Variants in KIF3C observed in about 807,000 individuals in gnomAD.
KIF3C encodes kinesin family member 3C, also known as kinesin-like protein KIF3C.
KIF3C carries 12 observed loss-of-function variants against 67.7 expected under a neutral mutation model. The ratio of observed to expected loss-of-function variants is 0.18; its 90% CI spans 0.11 to 0.29. The LOEUF (loss-of-function observed/expected upper bound fraction) is 0.29. Ranked by LOEUF, KIF3C falls within the 10% of genes least tolerant of loss-of-function variation. The pLI is 1.00. For missense variants in KIF3C, 789 were observed against 1,059.6 expected, an observed-to-expected ratio of 0.74 and a Z score of 3.55; for synonymous variants, 393 against 426.2, an observed-to-expected ratio of 0.92 and a Z score of 0.96.
At chr2:25,968,892 C>T (rs190434303) in intron 1 of KIF3C, among the ~76,000 whole-genome samples, 2 of 151,704 alleles carry the variant, frequency 1.3e-5, no homozygotes, top group South Asian at 2.1e-4. Context: ...GGCGTGATCT[C>T]GGCTCACCGC....
chr2:25,930,033 T>C lies in KIF3C; in HGVS notation c.2037A>G (p.Thr679=). ...VSSSQMKKRP[T]SAVGYKRPIS... The stretch of plus-strand genomic sequence containing the variant: ...TAGGCCTCTTGTAGCCCACTGCAGA[T>C]GTTGGCCGCTTCTTCATCTGGCTGC... The change falls in exon 6 of 8, where the codon ACA becomes ACG. Residue 679 remains threonine (T), a synonymous_variant. Coordinates refer to ENST00000264712, the MANE Select transcript of KIF3C (RefSeq NM_002254.8). The C allele has an allele frequency of 6.2e-7, 1 of 1,614,074 alleles. No homozygotes were observed. Among genetic ancestry groups the C allele is most frequent in the Non-Finnish European group, 8.5e-7 (1 of 1,179,938 alleles).
chr2:25,979,081 G>GCC (rs909813176), intron 1 of KIF3C, among the ~76,000 whole-genome samples: 2 of 152,098 alleles, frequency 1.3e-5, no homozygotes, highest in African/African-American at 4.8e-5. Flanking sequence ...CTGCTCCCCA[G>GCC]CCCACATTCC....
At chr2:25,961,318 C>T (rs139825951) in intron 1 of KIF3C, among the ~76,000 whole-genome samples, 1 of 152,298 alleles carries the variant, frequency 6.6e-6, no homozygotes, top group Non-Finnish European at 1.5e-5. Flanking sequence ...ATGGAAAGCA[C>T]TCAAGTGTGA....
chr2:25,963,789 T>C (rs1345333388), intron 1 of KIF3C, among the ~76,000 whole-genome samples: 1 of 150,932 alleles, frequency 6.6e-6, no homozygotes, highest in Non-Finnish European at 1.5e-5. Flanking sequence ...GCCTCCCAGG[T>C]TCAAGCGACT....
chr2:25,966,350 C>A (rs1442257670), intron 1 of KIF3C, among the ~76,000 whole-genome samples: 1 of 152,220 alleles, frequency 6.6e-6, no homozygotes, highest in African/African-American at 2.4e-5. Flanking sequence ...AAGTGATCCA[C>A]CCACCTTGAC....
intron 1 of KIF3C, among the ~76,000 whole-genome samples, chr2:25,978,772 C>A (rs1664483265): frequency 6.6e-6 from 1 of 152,000 alleles, no homozygotes; most frequent in Non-Finnish European, 1.5e-5. Flanking sequence ...GTCTTCTTAG[C>A]AAAATCAATG....
chr2:25,956,545 G>A lies in KIF3C; in HGVS notation c.1546-101C>T, dbSNP rs868373092. 6.8e-5 allele frequency: 57 copies of A among 838,818 alleles called. 1 individual carries two copies. The Middle Eastern group carries it at 3.1e-3, about 45-fold the overall frequency. 52.0% of individuals were successfully genotyped at this position (838,818 alleles called of 1,614,324 possible). ...CCTGCTCTGTGGTCCTTCTGGGAGT[G>A]GACACCAGATGTGTCCCAGATGGGG... On this transcript the variant is annotated intron_variant, in intron 1 of 7. Coordinates refer to ENST00000264712, the MANE Select transcript of KIF3C (RefSeq NM_002254.8).
intron 1 of KIF3C, among the ~76,000 whole-genome samples, chr2:25,966,148 C>A (rs1012360005): frequency 6.6e-6 from 1 of 151,752 alleles, no homozygotes; most frequent in African/African-American, 2.4e-5. Flanking sequence ...TTTTGTCACC[C>A]AGGCTGGAGT....
At chr2:25,962,802 A>AATATATAAT (rs1280130293) in intron 1 of KIF3C, among the ~76,000 whole-genome samples, 1 of 89,638 alleles carries the variant, frequency 1.1e-5, no homozygotes, top group African/African-American at 5.0e-5. Flanking sequence ...TATATTATAT[A>AATATATAAT]ATATATAATA....
In KIF3C at chr2:25,955,818, C is replaced by T. The variant is rs1400485096; in HGVS notation, c.1648-155G>A. Among the ~76,000 whole-genome samples, 2 of 152,198 alleles carry T rather than the reference C, an allele frequency of 1.3e-5. No homozygotes were observed. The highest frequency in any genetic ancestry group is 1.9e-4 in the East Asian group (1 of 5,142). ...CTGCTCCCACCCAATCCTGCAGAGC[C>T]CCTGGGAACCCTCCTCTCAGTTCCC... On this transcript the variant is annotated intron_variant, in intron 2 of 7. Coordinates refer to ENST00000264712, the MANE Select transcript of KIF3C (RefSeq NM_002254.8). The surrounding 1 kb of genome is among the most constrained non-coding windows in gnomAD (Gnocchi z 5.0).
Position 25,982,181 on chromosome 2 carries a change from C to A in KIF3C, c.-264G>T. 2.3e-6 allele frequency: 1 copy of A among 443,734 alleles called. No individual in the cohort carries two copies. Among genetic ancestry groups the A allele is most frequent in the Non-Finnish European group, 4.0e-6 (1 of 252,554 alleles). 27.5% of individuals were successfully genotyped at this position (443,734 alleles called of 1,614,324 possible). On this transcript the variant is annotated 5_prime_UTR_variant, in exon 1 of 8. Coordinates refer to ENST00000264712, the MANE Select transcript of KIF3C (RefSeq NM_002254.8). ...CAGTCGCCGCGGGAGCAGCGCCTGCCGAGCAGCCGTGCCCGGAGCCCGCCC... is the reference window on the plus strand; with the variant it reads ...CAGTCGCCGCGGGAGCAGCGCCTGCAGAGCAGCCGTGCCCGGAGCCCGCCC...
intron 5 of KIF3C, among the ~76,000 whole-genome samples, chr2:25,946,573 G>A (rs190767949): frequency 1.7e-3 from 258 of 152,054 alleles, no homozygotes; most frequent in African/African-American, 6.0e-3. Context: ...CTGTAATCCC[G>A]GTTACTCAGG....
rs1217205956 is a variant in KIF3C, at chr2:25,963,204, T to A, written c.1546-6760A>T. ...TATATATATATATATATATTTTTTT[T>A]TTTTTTTTTTTTTTTTTTAAAGATA... On this transcript the variant is annotated intron_variant, in intron 1 of 7. Coordinates refer to ENST00000264712, the MANE Select transcript of KIF3C (RefSeq NM_002254.8). Among the ~76,000 whole-genome samples the A allele has an allele frequency of 3.4e-3, 269 of 78,656 alleles. 2 individuals are homozygous for A. The highest frequency in any genetic ancestry group is 0.013 in the African/African-American group (222 of 16,890). 51.6% of individuals were successfully genotyped at this position (78,656 alleles called of 152,430 possible).
At chr2:25,933,487 A>G (rs1463169291) in intron 5 of KIF3C, among the ~76,000 whole-genome samples, 2 of 152,056 alleles carry the variant, frequency 1.3e-5, no homozygotes, top group Non-Finnish European at 2.9e-5. Flanking sequence ...CCTGGGCAAC[A>G]TAGCAAGACC....
rs140945033 is a variant in KIF3C, at chr2:25,954,090, G to A, written c.1889+177C>T. On this transcript the variant is annotated intron_variant, in intron 4 of 7. Transcript: ENST00000264712. ...ATTTTGAGGGGTTCATCAAATACAG[G>A]CAGAGGAGGTAGAAGAAACTCCAGC... 2.8e-4 allele frequency: 182 copies of A among 649,600 alleles called. 1 individual carries two copies. In the African/African-American group the frequency reaches 3.1e-3, roughly 11 times the overall value. 40.2% of individuals were successfully genotyped at this position (649,600 alleles called of 1,614,324 possible). A position where few individuals can be genotyped will look rare whatever the true frequency, so the allele number is the denominator to read the frequency against.
At chr2:25,929,820 T>C in intron 6 of KIF3C, 135 bp downstream of exon 6, 3 of 664,318 alleles carry the variant, frequency 4.5e-6, no homozygotes, top group Non-Finnish European at 8.0e-6. Flanking sequence ...TTCACCATGT[T>C]AACCAGGCTG....
rs997887562 is a variant in KIF3C, at chr2:25,942,294, G to A, written c.2006+9495C>T. Among the ~76,000 whole-genome samples the A allele has an allele frequency of 7.2e-5, 11 of 152,100 alleles. No individual in the cohort carries two copies. The South Asian group carries it at 8.3e-4, about 11-fold the overall frequency. On this transcript the variant is annotated intron_variant, in intron 5 of 7. Transcript: ENST00000264712. ...AATCGCTTGAGCCTGGGAGGCGGAGGTTGCAGTGAGCTGAGATCACGCCAT... is the reference window on the plus strand; with the variant it reads ...AATCGCTTGAGCCTGGGAGGCGGAGATTGCAGTGAGCTGAGATCACGCCAT...
chr2:25,946,428 C>T (rs1429247458), intron 5 of KIF3C, among the ~76,000 whole-genome samples: 9 of 152,024 alleles, frequency 5.9e-5, no homozygotes, highest in South Asian at 2.1e-4. Context: ...TGGTGGCTCA[C>T]GCCTGTAATC....
At position 25,951,134 on chromosome 2, in the gene KIF3C, A is replaced by G. The variant is rs375144337; in HGVS notation, c.2006+655T>C. On this transcript the variant is annotated intron_variant, in intron 5 of 7. Transcript: ENST00000264712. Reference sequence around the variant, plus strand: ...TCTATATATTTGCAATTAAGGGCCCATGGTTCAGCCGGGCAAGGCCTCACT... The same window carrying G: ...TCTATATATTTGCAATTAAGGGCCCGTGGTTCAGCCGGGCAAGGCCTCACT... 2.8e-4 allele frequency among the ~76,000 whole-genome samples: 43 copies of G among 152,182 alleles called. No homozygotes were observed. The South Asian group carries it at 7.9e-3, about 28-fold the overall frequency.
Sources: allele counts gnomAD v4.1 joint callset (sites outside exome capture counted in the v4.1 genomes callset), GRCh38; gene constraint gnomAD v4.1.1; non-coding constraint Gnocchi (gnomAD v3.1); transcripts MANE v1.5; gene names NCBI Gene and HGNC (gene_info 2026-07-23, HGNC 2026-07-21).